The following DLAT variants were observed in gnomAD, a reference collection of about 807,000 sequenced individuals.
DLAT encodes dihydrolipoyllysine-residue acetyltransferase component of pyruvate dehydrogenase complex, mitochondrial.
DLAT carries 43 observed loss-of-function variants against 68.0 expected under a neutral mutation model. The observed-to-expected ratio is 0.63, with a 90% CI of 0.50 to 0.81. The LOEUF (loss-of-function observed/expected upper bound fraction) is 0.81. Among genes scored for constraint, DLAT ranks in the 40% least tolerant of loss-of-function variants. The probability of loss-of-function intolerance (pLI) is 0.00; values close to 1 mark genes in which losing one functional copy is unlikely to be tolerated. For synonymous variants in DLAT, 265 were observed against 288.6 expected (o/e 0.92, Z 0.83); for missense variants, 745 against 815.4 (o/e 0.91, Z 1.05).
intron 5 of DLAT, 106 bp from the exon 6 acceptor site, chr11:112,037,167 A>C (rs1592678796): frequency 1.6e-5 from 18 of 1,092,414 alleles, no homozygotes; most frequent in African/African-American, 1.4e-4. Context: ...AAAAGGCTAT[A>C]TAGCTAGCTT....
intron 2 of DLAT, 69 bp downstream of exon 2, chr11:112,026,368 G>A (rs1343464219): frequency 1.1e-5 from 10 of 882,232 alleles, no homozygotes; most frequent in African/African-American, 1.1e-4. Flanking sequence ...GGTGTTTCTC[G>A]CAGAGGGGGA....
In DLAT at chr11:112,055,848, C is replaced by CTT. The variant is rs71060212; in HGVS notation, c.1515-4018_1515-4017dup. Among the ~76,000 whole-genome samples the CTT allele has an allele frequency of 5.3e-3, 169 of 31,978 alleles. 79 individuals are homozygous for CTT. Among genetic ancestry groups the CTT allele is most frequent in the East Asian group, 0.013 (10 of 766 alleles). The allele number at this position is 31,978 out of a possible 152,430, so 21.0% of individuals were successfully genotyped here. ...TCTCCTCTGTGCCAGCATATAGACA[C>CTT]TTTTTTTTTTTTTTTTTTTTTTTTT... On this transcript the variant is annotated intron_variant, in intron 11 of 13. Transcript: ENST00000280346.
At chr11:112,037,842 A>T (rs1293935886) in intron 6 of DLAT, among the ~76,000 whole-genome samples, 1 of 151,432 alleles carries the variant, frequency 6.6e-6, no homozygotes, top group East Asian at 1.9e-4. Flanking sequence ...CAGTGGTGCA[A>T]TCATAGCTCA....
At position 112,043,500 on chromosome 11, in the gene DLAT, T is replaced by G; in HGVS notation, c.1164T>G (p.Asp388Glu). 1 of 1,614,182 alleles carries G rather than the reference T, an allele frequency of 6.2e-7. No homozygotes were observed. The highest frequency in any genetic ancestry group is 1.1e-5 in the South Asian group (1 of 91,084). Residue 388 changes from aspartate to glutamate, a missense_variant, in exon 8 of 14, where the codon GAT becomes GAG. Transcript: ENST00000280346. ...CAGATGGTAGAATCACCAAGAAGGA[T>G]ATCGACTCTTTTGTGCCTAGTAAAG... ...TGPDGRITKKDIDSFVPSKVA... is the reference protein window; with the variant it reads ...TGPDGRITKKEIDSFVPSKVA...
chr11:112,043,400 C>A (rs1343988054), intron 7 of DLAT, 66 bp from the exon 8 acceptor site: 2 of 1,444,266 alleles, frequency 1.4e-6, no homozygotes, highest in Admixed American at 3.3e-5. Context: ...TTTAGGATCA[C>A]AGCGTTGATC....
chr11:112,054,226 G>T (rs1863859147), intron 11 of DLAT, among the ~76,000 whole-genome samples: 1 of 152,122 alleles, frequency 6.6e-6, no homozygotes, highest in South Asian at 2.1e-4. Context: ...TGAGGCAGGA[G>T]AATTGCTTGA....
At chr11:112,037,210 C>T in intron 5 of DLAT, 63 bp from the exon 6 acceptor site, 2 of 1,475,554 alleles carry the variant, frequency 1.4e-6, no homozygotes, top group South Asian at 1.1e-5. Context: ...TAAAACTGTG[C>T]TGTGAGTTTG....
rs782210730 is a variant in DLAT at position 112,028,533 on chromosome 11, A to G, written c.400A>G (p.Thr134Ala). The change falls in exon 3 of 14, where the codon ACT (threonine) becomes GCT (alanine). Residue 134 changes from threonine to alanine, a missense_variant. Transcript: ENST00000280346. ...TTAAAAGGTTGAAACTGATAAAGCC[A>G]CTGTTGGATTTGAGAGCCTGGAGGA... ...LIAEVETDKA[T>A]VGFESLEECY... 19 of 1,613,818 alleles carry G rather than the reference A, an allele frequency of 1.2e-5. No homozygotes were observed. Among genetic ancestry groups the G allele is most frequent in the South Asian group, 9.9e-5 (9 of 91,076 alleles).
In DLAT at chr11:112,062,390, C is replaced by CT; in HGVS notation, c.1815-13dup. The CT allele has an allele frequency of 2.5e-6, 4 of 1,612,046 alleles. No individual in the cohort carries two copies. Among genetic ancestry groups the CT allele is most frequent in the Non-Finnish European group, 3.4e-6 (4 of 1,179,874 alleles). ...TTTTCTTTCAGAATATCTAAAATGT[C>CT]TTTATCTTTTTCTAGGTTTGATGTG... On this transcript the variant is annotated splice_polypyrimidine_tract_variant and intron_variant, in intron 13 of 13. Transcript: ENST00000280346.
Position 112,043,477 on chromosome 11 carries a change from G to A in DLAT, c.1141G>A (p.Asp381Asn). Residue 381 changes from aspartate (D) to asparagine (N), a missense_variant, in exon 8 of 14, where the codon GAT becomes AAT. Physicochemically the swap from Asp to Asn is conservative, Grantham distance 23. Transcript: ENST00000280346. The stretch of plus-strand genomic sequence containing the variant: ...TATGTCTCTTACAGGGACAGGACCA[G>A]ATGGTAGAATCACCAAGAAGGATAT... ...DLTQVKGTGP[D>N]GRITKKDIDS... 4 of 1,614,122 alleles carry A rather than the reference G, an allele frequency of 2.5e-6. No homozygotes were observed. The highest frequency in any genetic ancestry group is 3.4e-6 in the Non-Finnish European group (4 of 1,179,966).
chr11:112,035,888 T>A (rs1555180387), intron 5 of DLAT, among the ~76,000 whole-genome samples: 1 of 150,194 alleles, frequency 6.7e-6, no homozygotes, highest in African/African-American at 2.5e-5. Flanking sequence ...CCTCCCGGGT[T>A]CAAGCAATTC....
intron 4 of DLAT, chr11:112,032,712 A>T (rs996707162): frequency 9.8e-5 from 15 of 152,438 alleles, no homozygotes; most frequent in African/African-American, 3.6e-4. Context: ...AGCGCAGTAA[A>T]ATTTTAACAG....
At position 112,038,540 on chromosome 11, in the gene DLAT, A is replaced by T. The variant is rs587634578; in HGVS notation, c.976-704A>T. 5.9e-5 allele frequency among the ~76,000 whole-genome samples: 9 copies of T among 151,538 alleles called. No homozygotes were observed. In the East Asian group the frequency reaches 1.8e-3, roughly 30 times the overall value. On this transcript the variant is annotated intron_variant, in intron 6 of 13. Transcript: ENST00000280346. ...TTTTCAACATGGGGCCTTACAGCAT[A>T]ATTTTATATTTTGAAATTAGCTGGC...
At chr11:112,058,871 T>A (rs1450998084) in intron 11 of DLAT, among the ~76,000 whole-genome samples, 1 of 152,130 alleles carries the variant, frequency 6.6e-6, no homozygotes, top group African/African-American at 2.4e-5. Context: ...GAAGCACATT[T>A]GTCATAATTT....
At chr11:112,043,654 T>G in intron 8 of DLAT, 121 bp downstream of exon 8, 2 of 987,866 alleles carry the variant, frequency 2.0e-6, no homozygotes, top group Non-Finnish European at 1.6e-6. Flanking sequence ...ATTTCAGTGG[T>G]TTAATAATAC....
At chr11:112,028,381 T>A in intron 2 of DLAT, 134 bp from the exon 3 acceptor site, 1 of 1,022,216 alleles carries the variant, frequency 9.8e-7, no homozygotes. Context: ...ATTGCACCAC[T>A]GCACTCCAGC....
At chr11:112,039,066 G>A (rs982469929) in intron 6 of DLAT, among the ~76,000 whole-genome samples, 178 bp from the exon 7 acceptor site, 8 of 152,170 alleles carry the variant, frequency 5.3e-5, no homozygotes, top group African/African-American at 1.7e-4. Flanking sequence ...CTCGCTGTTC[G>A]TATTACTACA....
At chr11:112,033,682 A>G in intron 5 of DLAT, 152 bp downstream of exon 5, 1 of 836,330 alleles carries the variant, frequency 1.2e-6, no homozygotes, top group South Asian at 1.7e-5. Flanking sequence ...ATTTTTATTT[A>G]GTTATATGTA....
intron 8 of DLAT, among the ~76,000 whole-genome samples, chr11:112,044,415 G>A (rs901207076): frequency 4.6e-5 from 7 of 152,212 alleles, no homozygotes; most frequent in Admixed American, 6.5e-5. Context: ...GCCTGGTCAC[G>A]AACTCCTGGC....
Sources: gnomAD v4.1 joint callset for allele counts (sites outside exome capture counted in the v4.1 genomes callset) on GRCh38, gnomAD v4.1.1 for gene constraint, MANE v1.5 for transcripts, NCBI Gene and HGNC (gene_info 2026-07-23, HGNC 2026-07-21) for gene names.